Variants in MREG observed in about 807,000 individuals in gnomAD.
The protein encoded by MREG is melanoregulin, also known as dilute suppressor protein homolog.
In MREG, 31 loss-of-function variants were observed where a neutral mutation model predicts 28.5. The ratio of observed to expected loss-of-function variants is 1.09; its 90% CI spans 0.82 to 1.47. MREG has a LOEUF of 1.47. Ranked by LOEUF, MREG falls within the 40% of genes most tolerant of loss-of-function variation. MREG has a pLI of 0.00. For missense variants in MREG, 256 were observed against 257.4 expected, an observed-to-expected ratio of 0.99 and a Z score of 0.04; for synonymous variants, 106 against 95.2, an observed-to-expected ratio of 1.11 and a Z score of -0.66.
chr2:216,024,298 A>G (rs922921682), intron 1 of MREG, among the ~76,000 whole-genome samples: 1 of 152,096 alleles, frequency 6.6e-6, no homozygotes, highest in African/African-American at 2.4e-5. Flanking sequence ...GCACTTTGGG[A>G]GACTGAGGCA....
intron 2 of MREG, among the ~76,000 whole-genome samples, chr2:215,984,535 A>G (rs1693515025): frequency 1.3e-5 from 2 of 151,706 alleles, no homozygotes; most frequent in East Asian, 1.9e-4. Context: ...AAAAAAAAAA[A>G]AAAAAAAAAT....
At chr2:216,002,013 T>A (rs73072190) in intron 1 of MREG, among the ~76,000 whole-genome samples, 1,717 of 152,192 alleles carry the variant, frequency 0.011, 29 homozygotes, top group African/African-American at 0.038. Flanking sequence ...AGACCATAAG[T>A]CAGAAGGTTC....
chr2:215,959,750 C>G (rs1173122988), intron 2 of MREG, among the ~76,000 whole-genome samples: 2 of 152,194 alleles, frequency 1.3e-5, no homozygotes, highest in African/African-American at 4.8e-5. Context: ...TCCGGCACAC[C>G]TTGAATGAAC....
upstream of MREG, among the ~76,000 whole-genome samples, chr2:216,013,970 TC>T (rs1694386733): frequency 1.3e-5 from 2 of 152,128 alleles, no homozygotes; most frequent in African/African-American, 2.4e-5. Context: ...TTTTCAAACC[TC>T]CTAGTCCTTA....
intron 1 of MREG, among the ~76,000 whole-genome samples, chr2:216,001,098 C>T (rs1016371696): frequency 3.3e-5 from 5 of 152,090 alleles, no homozygotes; most frequent in Non-Finnish European, 5.9e-5. Flanking sequence ...CTCTCTCTAG[C>T]TGTCTCTGCA....
intron 2 of MREG, among the ~76,000 whole-genome samples, chr2:215,963,793 C>A (rs562019081): frequency 6.6e-6 from 1 of 152,012 alleles, no homozygotes; most frequent in Non-Finnish European, 1.5e-5. Flanking sequence ...TTATTTGAAG[C>A]GTGTCTTTCA....
At chr2:216,032,276 T>C (rs377312394) in intron 1 of MREG, among the ~76,000 whole-genome samples, 1 of 152,222 alleles carries the variant, frequency 6.6e-6, no homozygotes, top group South Asian at 2.1e-4. Context: ...AAAAGCCAAA[T>C]GGTCCAAAAT....
chr2:215,960,819 G>A (rs1259179561), intron 2 of MREG, among the ~76,000 whole-genome samples: 1 of 151,990 alleles, frequency 6.6e-6, no homozygotes, highest in East Asian at 1.9e-4. Context: ...GGGCGACAGG[G>A]CGAGACTCCA....
intron 2 of MREG, among the ~76,000 whole-genome samples, chr2:215,986,498 C>T (rs1286518803): frequency 6.6e-6 from 1 of 152,206 alleles, no homozygotes; most frequent in Non-Finnish European, 1.5e-5. Flanking sequence ...GAGATTGCAA[C>T]CTCTGTTCTC....
chr2:216,029,465 G>A (rs1466184706), intron 1 of MREG, among the ~76,000 whole-genome samples: 1 of 87,576 alleles, frequency 1.1e-5, no homozygotes, highest in Non-Finnish European at 2.5e-5. Flanking sequence ...GAGAGAGTGA[G>A]ACTCCATCTC....
chr2:215,989,287 A>G (rs1051645194), intron 2 of MREG, among the ~76,000 whole-genome samples: 1 of 152,196 alleles, frequency 6.6e-6, no homozygotes, highest in Non-Finnish European at 1.5e-5. Flanking sequence ...AATCCAGCAG[A>G]CCTGCAGCAG....
upstream of MREG, chr2:216,033,067 C>A (rs996821171): frequency 6.6e-6 from 1 of 152,124 alleles, no homozygotes; most frequent in Admixed American, 6.5e-5. Context: ...ACCTTTACAC[C>A]TTTTAGTTGG....
intron 2 of MREG, among the ~76,000 whole-genome samples, chr2:215,971,351 G>A (rs1693090546): frequency 6.6e-6 from 1 of 152,190 alleles, no homozygotes; most frequent in Admixed American, 6.5e-5. Context: ...TCCACGCTTG[G>A]AGGTAGGAGT....
At chr2:216,026,433 T>C (rs1415910438) in intron 1 of MREG, among the ~76,000 whole-genome samples, 1 of 152,160 alleles carries the variant, frequency 6.6e-6, no homozygotes, top group African/African-American at 2.4e-5. Flanking sequence ...TGGCACCATC[T>C]AGGCTCATTG....
intron 2 of MREG, among the ~76,000 whole-genome samples, chr2:215,992,186 AG>A (rs1410762904): frequency 6.6e-6 from 1 of 152,234 alleles, no homozygotes; most frequent in Non-Finnish European, 1.5e-5. Context: ...CACATCAAAA[AG>A]CTTATCCACC....
intron 2 of MREG, among the ~76,000 whole-genome samples, chr2:215,995,073 C>T (rs931581733): frequency 1.2e-4 from 18 of 152,226 alleles, no homozygotes; most frequent in Non-Finnish European, 2.1e-4. Context: ...AACAAGGCCA[C>T]GCATTCCCAA....
intron 1 of MREG, among the ~76,000 whole-genome samples, chr2:216,021,563 C>A (rs2105930279): frequency 1.3e-5 from 2 of 152,244 alleles, no homozygotes; most frequent in Middle Eastern, 6.8e-3. Context: ...TAATGTTGTT[C>A]CATAGGCCCC....
chr2:216,003,156 T>C (rs1694062336), intron 1 of MREG, among the ~76,000 whole-genome samples: 1 of 152,048 alleles, frequency 6.6e-6, no homozygotes, highest in Non-Finnish European at 1.5e-5. Flanking sequence ...GGGGCGATTG[T>C]TCCATTAGTT....
rs1692242462 is a variant in MREG at position 215,943,792 on chromosome 2, G to T, written c.*1071C>A. 1 of 181,354 alleles carries T rather than the reference G, an allele frequency of 5.5e-6. No individual in the cohort carries two copies. Among genetic ancestry groups the T allele is most frequent in the Non-Finnish European group, 1.0e-5 (1 of 97,330 alleles). The allele number at this position is 181,354 out of a possible 1,614,324, so 11.2% of individuals were successfully genotyped here. On this transcript the variant is annotated 3_prime_UTR_variant, in exon 5 of 5. Coordinates refer to ENST00000263268, the MANE Select transcript of MREG (RefSeq NM_018000.3). ...GAAGGCGGAGGTTGCAGTGAGCCGA[G>T]ATCGCACCACTGTACTCCAGCCTGG...
Sources: allele counts gnomAD v4.1 joint callset (sites outside exome capture counted in the v4.1 genomes callset), GRCh38; gene constraint gnomAD v4.1.1; transcripts MANE v1.5; gene names NCBI Gene and HGNC (gene_info 2026-07-23, HGNC 2026-07-21).